Variants in RPS6KA2 observed in about 807,000 individuals in gnomAD.
The protein encoded by RPS6KA2 is ribosomal protein S6 kinase alpha-2.
RPS6KA2 carries 42 observed loss-of-function variants against 91.8 expected under a neutral mutation model. That is an observed-to-expected ratio of 0.46 (90% confidence interval 0.36 to 0.59). The LOEUF (loss-of-function observed/expected upper bound fraction) is 0.59. RPS6KA2 is among the 20% of genes least tolerant of loss of function. RPS6KA2 has a pLI of 0.00. For synonymous variants in RPS6KA2, 414 were observed against 393.6 expected, an observed-to-expected ratio of 1.05 and a Z score of -0.61; for missense variants, 798 against 978.5, an observed-to-expected ratio of 0.82 and a Z score of 2.46.
intron 17 of RPS6KA2, among the ~76,000 whole-genome samples, chr6:166,422,599 C>CTT (rs1168953049): frequency 1.3e-5 from 2 of 152,190 alleles, no homozygotes; most frequent in Non-Finnish European, 2.9e-5. Context: ...AGAAATTGGG[C>CTT]TTAGATTTAT....
At chr6:166,575,345 C>T (rs1198426886) in intron 1 of RPS6KA2, among the ~76,000 whole-genome samples, 1 of 152,158 alleles carries the variant, frequency 6.6e-6, no homozygotes, top group East Asian at 1.9e-4. Flanking sequence ...GAACTATTTT[C>T]AGCGCTGGCT....
chr6:166,615,996 C>T (rs1435251712), intron 1 of RPS6KA2, among the ~76,000 whole-genome samples: 7 of 152,242 alleles, frequency 4.6e-5, no homozygotes, highest in African/African-American at 1.2e-4. Flanking sequence ...TTTTAGACAC[C>T]CAATCCCTGT....
chr6:166,673,032 C>A (rs1364690323), intron 2 of RPS6KA2, among the ~76,000 whole-genome samples: 1 of 152,140 alleles, frequency 6.6e-6, no homozygotes, highest in Non-Finnish European at 1.5e-5. Flanking sequence ...CCTCTCCCAG[C>A]CCTCCCCAGA....
intron 2 of RPS6KA2, among the ~76,000 whole-genome samples, chr6:166,745,747 G>A (rs1252113947): frequency 1.3e-5 from 2 of 152,206 alleles, no homozygotes; most frequent in African/African-American, 4.8e-5. Context: ...GTGCAGCACT[G>A]TTCTATCTAC....
At chr6:166,571,377 C>A (rs1784681888) in intron 1 of RPS6KA2, among the ~76,000 whole-genome samples, 1 of 152,172 alleles carries the variant, frequency 6.6e-6, no homozygotes, top group African/African-American at 2.4e-5. Context: ...AGAACTCACC[C>A]TAAAAGCAAC....
At chr6:166,487,355 G>T (rs1043794944) in intron 10 of RPS6KA2, among the ~76,000 whole-genome samples, 1 of 152,022 alleles carries the variant, frequency 6.6e-6, no homozygotes, top group Non-Finnish European at 1.5e-5. Flanking sequence ...CTGCTCTGAC[G>T]TCACCAGTGC....
rs116668370 is a variant in RPS6KA2, at chr6:166,766,764, A to T, written c.123+91436T>A. On this transcript the variant is annotated intron_variant, in intron 2 of 21. Transcript: ENST00000503859. ...AGTGACTCAAGTAACTACAGGAATG[A>T]AACAGAATTTGTCTCTTCAGCGGTT... 6.5e-3 allele frequency among the ~76,000 whole-genome samples: 992 copies of T among 152,384 alleles called. 12 individuals are homozygous for T. The highest frequency in any genetic ancestry group is 0.023 in the African/African-American group (951 of 41,584).
intron 8 of RPS6KA2, among the ~76,000 whole-genome samples, chr6:166,496,325 G>A (rs1781783718): frequency 1.3e-5 from 2 of 150,502 alleles, no homozygotes; most frequent in Non-Finnish European, 2.9e-5. Context: ...ACTCCAGCCT[G>A]GTGACAGAAT....
intron 10 of RPS6KA2, among the ~76,000 whole-genome samples, chr6:166,480,494 T>TTG (rs1781164961): frequency 7.6e-6 from 1 of 131,194 alleles, no homozygotes; most frequent in Non-Finnish European, 1.6e-5. Context: ...TATATATATA[T>TTG]ATATATATAT....
At chr6:166,628,070 TCTAG>T (rs2128544446), upstream of RPS6KA2, 1 of 152,238 alleles carries the variant, frequency 6.6e-6, no homozygotes, top group African/African-American at 2.4e-5. Flanking sequence ...CCGGTCCCGC[TCTAG>T]GAAACGTCTA....
intron 3 of RPS6KA2, among the ~76,000 whole-genome samples, chr6:166,521,491 C>T (rs1458861915): frequency 1.3e-5 from 2 of 152,208 alleles, no homozygotes; most frequent in African/African-American, 4.8e-5. Flanking sequence ...TTACTTGGGA[C>T]CTGTTACTCC....
At chr6:166,669,253 G>A (rs963993054) in intron 2 of RPS6KA2, among the ~76,000 whole-genome samples, 1 of 152,130 alleles carries the variant, frequency 6.6e-6, no homozygotes, top group African/African-American at 2.4e-5. Context: ...TGGGGGATCA[G>A]CACCTGCTCC....
intron 1 of RPS6KA2, among the ~76,000 whole-genome samples, chr6:166,548,965 G>A (rs1783912829): frequency 6.6e-6 from 1 of 152,136 alleles, no homozygotes; most frequent in East Asian, 1.9e-4. Context: ...AATGTATAAG[G>A]AATTCTCCAA....
intron 2 of RPS6KA2, among the ~76,000 whole-genome samples, chr6:166,769,600 C>T (rs1778411158): frequency 1.3e-5 from 2 of 152,218 alleles, no homozygotes; most frequent in South Asian, 2.1e-4. Context: ...AACACAAGTT[C>T]CACGTCCAAT....
At chr6:166,565,947 A>C (rs1050721203) in intron 1 of RPS6KA2, among the ~76,000 whole-genome samples, 2 of 152,254 alleles carry the variant, frequency 1.3e-5, no homozygotes, top group Non-Finnish European at 2.9e-5. Flanking sequence ...CAAAACAAAA[A>C]GCATCTTCCC....
chr6:166,774,077 T>G lies in RPS6KA2; in HGVS notation c.123+84123A>C, dbSNP rs181699362. ...AAGTCTAGAAAGTGACCCAGTGTTG[T>G]GGGAGAAATGTGAAAGGCAGGCACC... On this transcript the variant is annotated intron_variant, in intron 2 of 21. Transcript: ENST00000503859. Among the ~76,000 whole-genome samples the G allele has an allele frequency of 1.3e-3, 205 of 152,260 alleles. 1 individual carries two copies. Among genetic ancestry groups the G allele is most frequent in the African/African-American group, 4.7e-3 (196 of 41,534 alleles).
At chr6:166,450,112 TGGAGACCAACAC>T (rs1779833564) in intron 13 of RPS6KA2, among the ~76,000 whole-genome samples, 1 of 117,524 alleles carries the variant, frequency 8.5e-6, no homozygotes, top group African/African-American at 3.3e-5. Flanking sequence ...GGGACCAACA[TGGAGACCAACAC>T]AGGGACCACC....
intron 1 of RPS6KA2, among the ~76,000 whole-genome samples, chr6:166,562,990 C>A (rs1784387511): frequency 6.6e-6 from 1 of 152,204 alleles, no homozygotes; most frequent in African/African-American, 2.4e-5. Context: ...GCGGCCGAGC[C>A]AGACCGAGGA....
At chr6:166,514,856 G>A (rs116908155) in intron 3 of RPS6KA2, among the ~76,000 whole-genome samples, 3 of 152,276 alleles carry the variant, frequency 2.0e-5, no homozygotes, top group Non-Finnish European at 4.4e-5. Context: ...CCCTCTGCCT[G>A]GGCGACTGGT....
Sources: gnomAD v4.1 joint callset for allele counts (sites outside exome capture counted in the v4.1 genomes callset) on GRCh38, gnomAD v4.1.1 for gene constraint, MANE v1.5 for transcripts, NCBI Gene and HGNC (gene_info 2026-07-23, HGNC 2026-07-21) for gene names.